Variants in PCDH9 observed in about 807,000 individuals in gnomAD.
PCDH9 encodes protocadherin-9.
PCDH9 carries 24 observed loss-of-function variants against 70.6 expected under a neutral mutation model. The ratio of observed to expected loss-of-function variants is 0.34; its 90% confidence interval spans 0.25 to 0.48. PCDH9 has a LOEUF of 0.48. Among genes scored for constraint, PCDH9 ranks in the 20% least tolerant of loss-of-function variants. The pLI, the probability that PCDH9 is intolerant of heterozygous loss-of-function variation, is 0.99. For synonymous variants in PCDH9, 562 were observed against 558.5 expected, an observed-to-expected ratio of 1.01 and a Z score of -0.09; for missense variants, 1,281 against 1,503.6, an observed-to-expected ratio of 0.85 and a Z score of 2.45.
intron 4 of PCDH9, among the ~76,000 whole-genome samples, chr13:66,357,923 T>A (rs867915765): frequency 1.5e-5 from 2 of 134,716 alleles, no homozygotes; most frequent in African/African-American, 5.4e-5. Flanking sequence ...TATCCTTCAA[T>A]ACGTTTATTA....
At chr13:66,730,262 C>T (rs192635298) in intron 3 of PCDH9, among the ~76,000 whole-genome samples, 2 of 152,180 alleles carry the variant, frequency 1.3e-5, no homozygotes, top group African/African-American at 4.8e-5. Context: ...GCTTTCCTGT[C>T]ATTTAAAAAT....
intron 4 of PCDH9, among the ~76,000 whole-genome samples, chr13:66,542,526 C>T (rs1036334030): frequency 6.6e-6 from 1 of 151,906 alleles, no homozygotes; most frequent in African/African-American, 2.4e-5. Flanking sequence ...ACAACAGCAA[C>T]TACTGCATGA....
At chr13:66,724,277 G>T in intron 3 of PCDH9, among the ~76,000 whole-genome samples, 1 of 152,250 alleles carries the variant, frequency 6.6e-6, no homozygotes, top group Admixed American at 6.5e-5. Context: ...CTGTGTCCTT[G>T]AAGAGACAGG....
At chr13:67,150,869 T>G (rs2087640073) in intron 2 of PCDH9, among the ~76,000 whole-genome samples, 1 of 152,218 alleles carries the variant, frequency 6.6e-6, no homozygotes, top group African/African-American at 2.4e-5. Flanking sequence ...CTTTAATCCC[T>G]TTTAATCCAA....
intron 2 of PCDH9, among the ~76,000 whole-genome samples, chr13:66,984,274 A>G (rs908834849): frequency 6.6e-6 from 1 of 152,186 alleles, no homozygotes; most frequent in African/African-American, 2.4e-5. Context: ...AACATTTGCC[A>G]TCTACAAGGG....
chr13:66,512,315 AT>A (rs1228435757), intron 4 of PCDH9, among the ~76,000 whole-genome samples: 1 of 148,216 alleles, frequency 6.7e-6, no homozygotes. Flanking sequence ...CACAATAAGA[AT>A]TCATGAGAAG....
chr13:67,177,365 C>A (rs1035037656), intron 2 of PCDH9, among the ~76,000 whole-genome samples: 1 of 152,104 alleles, frequency 6.6e-6, no homozygotes, highest in Non-Finnish European at 1.5e-5. Context: ...TTCTTTCACT[C>A]CAATTTTCTG....
At chr13:66,493,217 G>T (rs1040967986) in intron 4 of PCDH9, among the ~76,000 whole-genome samples, 3 of 152,098 alleles carry the variant, frequency 2.0e-5, no homozygotes, top group African/African-American at 7.2e-5. Flanking sequence ...TGGAGGAAAA[G>T]TTCATCTATA....
chr13:66,429,993 G>A (rs991849169), intron 4 of PCDH9, among the ~76,000 whole-genome samples: 1 of 152,016 alleles, frequency 6.6e-6, no homozygotes, highest in Non-Finnish European at 1.5e-5. Flanking sequence ...CACACTTTAA[G>A]TAGCCAAAAG....
chr13:66,498,954 T>C (rs757925820), intron 4 of PCDH9, among the ~76,000 whole-genome samples: 5 of 151,420 alleles, frequency 3.3e-5, no homozygotes, highest in Admixed American at 6.6e-5. Context: ...TTCTCAAATG[T>C]CACATGGCAA....
chr13:66,413,502 C>T (rs920558483), intron 4 of PCDH9, among the ~76,000 whole-genome samples: 3 of 151,778 alleles, frequency 2.0e-5, no homozygotes, highest in South Asian at 2.1e-4. Context: ...CTGGCTAACA[C>T]GGTGAAACCC....
At chr13:66,909,594 C>T (rs1248291943) in intron 2 of PCDH9, among the ~76,000 whole-genome samples, 1 of 151,996 alleles carries the variant, frequency 6.6e-6, no homozygotes, top group Admixed American at 6.6e-5. Context: ...ATGGTGAAAC[C>T]CCATCTCTAC....
chr13:67,051,382 A>ATTTTTTTTTTTTTTTTTTTTTTTTTTT (rs567408801), intron 2 of PCDH9, among the ~76,000 whole-genome samples: 1 of 70,996 alleles, frequency 1.4e-5, no homozygotes, highest in African/African-American at 6.3e-5. Context: ...ACAATACAAG[A>ATTTTTTTTTTTTTTTTTTTTTTTTTTT]TTTTTTTTTT....
intron 3 of PCDH9, among the ~76,000 whole-genome samples, chr13:66,687,529 A>T (rs566909408): frequency 1.3e-5 from 2 of 151,992 alleles, no homozygotes; most frequent in Non-Finnish European, 2.9e-5. Context: ...TATACATCAA[A>T]TTTTGACTTA....
At chr13:66,375,156 C>T (rs1041819443) in intron 4 of PCDH9, among the ~76,000 whole-genome samples, 1 of 152,060 alleles carries the variant, frequency 6.6e-6, no homozygotes, top group Non-Finnish European at 1.5e-5. Flanking sequence ...AGTTGCCAGT[C>T]ATCGACAGAT....
At chr13:66,932,123 C>A (rs1311890632) in intron 2 of PCDH9, among the ~76,000 whole-genome samples, 2 of 152,094 alleles carry the variant, frequency 1.3e-5, no homozygotes, top group African/African-American at 4.8e-5. Context: ...TTTCTGGATA[C>A]CTTACAGAAT....
rs2084899921 is a variant in PCDH9 at position 67,031,263 on chromosome 13, A to T, written c.3037-127658T>A. ...AATCAGCAGTTATTTCTAAAATTAAATTATATATAGTGAAGTAAAAAATTA... is the reference window on the plus strand; with the variant it reads ...AATCAGCAGTTATTTCTAAAATTAATTTATATATAGTGAAGTAAAAAATTA... On this transcript the variant is annotated intron_variant, in intron 2 of 4. Coordinates refer to ENST00000377865, the MANE Select transcript of PCDH9 (RefSeq NM_203487.3). 3.3e-5 allele frequency among the ~76,000 whole-genome samples: 5 copies of T among 152,242 alleles called. No individual in the cohort carries two copies. The South Asian group carries it at 1.0e-3, about 31-fold the overall frequency.
intron 4 of PCDH9, among the ~76,000 whole-genome samples, chr13:66,451,402 C>A (rs954946770): frequency 6.6e-6 from 1 of 152,020 alleles, no homozygotes; most frequent in Non-Finnish European, 1.5e-5. Flanking sequence ...CAACAAATTT[C>A]CAAGGTAGCT....
chr13:66,520,230 T>C (rs1001567617), intron 4 of PCDH9, among the ~76,000 whole-genome samples: 1 of 152,192 alleles, frequency 6.6e-6, no homozygotes, highest in African/African-American at 2.4e-5. Flanking sequence ...AATGTCAGTG[T>C]CAACAGACTT....
Sources: gnomAD v4.1 joint callset for allele counts (sites outside exome capture counted in the v4.1 genomes callset) on GRCh38, gnomAD v4.1.1 for gene constraint, MANE v1.5 for transcripts, NCBI Gene and HGNC (gene_info 2026-07-23, HGNC 2026-07-21) for gene names.